The following SLC30A8 variants were observed in gnomAD, a reference collection of about 807,000 sequenced individuals.
The protein encoded by SLC30A8 is proton-coupled zinc antiporter SLC30A8.
In SLC30A8, 27 loss-of-function variants were observed where a neutral mutation model predicts 36.9. The observed-to-expected ratio is 0.73, with a 90% CI of 0.54 to 1.01. The LOEUF is 1.01. Among genes scored for constraint, SLC30A8 ranks in the 50% least tolerant of loss-of-function variants. SLC30A8 has a pLI of 0.00. For synonymous variants in SLC30A8, 164 were observed against 172.4 expected (o/e 0.95, Z 0.38); for missense variants, 439 against 452.0 (o/e 0.97, Z 0.26).
At chr8:117,122,494 G>T (rs1022531391) in intron 2 of SLC30A8, among the ~76,000 whole-genome samples, 2 of 151,950 alleles carry the variant, frequency 1.3e-5, no homozygotes, top group Non-Finnish European at 2.9e-5. Flanking sequence ...CACCTACAAG[G>T]CTTGTAACTC....
intron 1 of SLC30A8, among the ~76,000 whole-genome samples, chr8:117,010,069 CAG>C (rs1285504294): frequency 1.3e-5 from 2 of 152,120 alleles, no homozygotes; most frequent in East Asian, 3.8e-4. Flanking sequence ...TGAGTTTTAT[CAG>C]AGGGTAAGCC....
At chr8:117,016,017 G>T (rs1296241567) in intron 1 of SLC30A8, among the ~76,000 whole-genome samples, 2 of 152,160 alleles carry the variant, frequency 1.3e-5, no homozygotes, top group Non-Finnish European at 2.9e-5. Context: ...GCTTGAATAA[G>T]AAGGAACAAG....
At chr8:117,050,383 G>GTTCTTCT (rs1421503614) in intron 2 of SLC30A8, among the ~76,000 whole-genome samples, 1 of 151,452 alleles carries the variant, frequency 6.6e-6, no homozygotes, top group African/African-American at 2.4e-5. Flanking sequence ...TGATTTCGGG[G>GTTCTTCT]TTCTTCTTCA....
At chr8:117,051,239 C>A (rs1489677244) in intron 2 of SLC30A8, among the ~76,000 whole-genome samples, 1 of 152,192 alleles carries the variant, frequency 6.6e-6, no homozygotes, top group Non-Finnish European at 1.5e-5. Flanking sequence ...CAATCATCCT[C>A]TAGGGAGTGT....
intron 2 of SLC30A8, among the ~76,000 whole-genome samples, chr8:117,051,585 G>A (rs559550250): frequency 2.0e-5 from 3 of 152,174 alleles, no homozygotes; most frequent in Non-Finnish European, 2.9e-5. Flanking sequence ...AGGCTGAGGC[G>A]GGCGGATCAC....
At chr8:117,054,174 C>A (rs1817795840) in intron 2 of SLC30A8, among the ~76,000 whole-genome samples, 1 of 145,248 alleles carries the variant, frequency 6.9e-6, no homozygotes, top group African/African-American at 2.6e-5. Context: ...ATATGGCTCA[C>A]TGCAGCCTGG....
intron 1 of SLC30A8, among the ~76,000 whole-genome samples, chr8:116,989,995 C>T (rs1248737760): frequency 6.6e-6 from 1 of 152,200 alleles, no homozygotes; most frequent in African/African-American, 2.4e-5. Flanking sequence ...ATGGGAATAG[C>T]TTGCCTGTGC....
At chr8:117,081,638 T>A (rs1466519145) in intron 2 of SLC30A8, among the ~76,000 whole-genome samples, 2 of 152,160 alleles carry the variant, frequency 1.3e-5, no homozygotes, top group African/African-American at 2.4e-5. Context: ...GAATGAGCAT[T>A]CTCTTGTCCT....
chr8:117,042,501 C>T (rs1343502374), intron 2 of SLC30A8, among the ~76,000 whole-genome samples: 1 of 151,962 alleles, frequency 6.6e-6, no homozygotes, highest in South Asian at 2.1e-4. Context: ...TGAGGCGGGG[C>T]GGGGTTTGGG....
chr8:117,030,619 A>G (rs1458453679), intron 1 of SLC30A8, among the ~76,000 whole-genome samples: 2 of 152,220 alleles, frequency 1.3e-5, no homozygotes, highest in South Asian at 2.1e-4. Flanking sequence ...TATTGAAGCC[A>G]TGTCAGAATT....
rs1377966068 is a variant in SLC30A8, at chr8:117,172,560, T to C, written c.989T>C (p.Val330Ala). ...ATAASRDSQV[V>A]RREIAKALSK... Reference sequence around the variant, plus strand: ...GCAGCCAGCCGGGACAGCCAAGTGGTTCGGAGAGAAATTGCTAAAGCCCTT... The same window carrying C: ...GCAGCCAGCCGGGACAGCCAAGTGGCTCGGAGAGAAATTGCTAAAGCCCTT... Residue 330 changes from valine to alanine, a missense_variant, in exon 8 of 8, where the codon GTT (valine) becomes GCT (alanine). Val to Ala is a moderately conservative substitution (Grantham distance 64). Coordinates refer to ENST00000456015, the MANE Select transcript of SLC30A8 (RefSeq NM_173851.3). 2 of 1,613,670 alleles carry C rather than the reference T, an allele frequency of 1.2e-6. No homozygotes were observed. The highest frequency in any genetic ancestry group is 3.3e-5 in the Admixed American group (2 of 59,984).
chr8:117,166,332 G>A (rs1823055093), intron 6 of SLC30A8, among the ~76,000 whole-genome samples: 1 of 152,070 alleles, frequency 6.6e-6, no homozygotes, highest in South Asian at 2.1e-4. Context: ...TTTACAAGGT[G>A]ATTTATCATT....
intron 2 of SLC30A8, among the ~76,000 whole-genome samples, chr8:117,099,498 G>A (rs1382398688): frequency 6.6e-6 from 1 of 152,184 alleles, no homozygotes; most frequent in Non-Finnish European, 1.5e-5. Context: ...TAGCTTATAT[G>A]ATGGGAGATC....
intron 2 of SLC30A8, among the ~76,000 whole-genome samples, chr8:117,085,782 A>G (rs553807674): frequency 7.4e-4 from 113 of 152,334 alleles, no homozygotes; most frequent in African/African-American, 2.4e-3. Flanking sequence ...AAGTAATACA[A>G]GCTAATAAAT....
At chr8:117,052,504 T>C (rs143971948) in intron 2 of SLC30A8, among the ~76,000 whole-genome samples, 213 of 152,400 alleles carry the variant, frequency 1.4e-3, no homozygotes, top group Non-Finnish European at 2.2e-3. Flanking sequence ...CACAGTATTC[T>C]GAATTTTCTA....
In SLC30A8 at chr8:117,147,141, G is replaced by T; in HGVS notation, c.259G>T (p.Ala87Ser). ...AGCAATATGCTTCATTTTCATGATT[G>T]CAGAGGTCGTGGGTGAGTCTTTCTG... ...ASAICFIFMI[A>S]EVVGGHIAGS... The change falls in exon 2 of 8, where the codon GCA becomes TCA. Residue 87 changes from alanine to serine, a missense_variant. Transcript: ENST00000456015. 5 of 1,613,806 alleles carry T rather than the reference G, an allele frequency of 3.1e-6. No individual in the cohort carries two copies. The highest frequency in any genetic ancestry group is 4.2e-6 in the Non-Finnish European group (5 of 1,179,964).
chr8:116,993,585 T>C (rs539893401), intron 1 of SLC30A8, among the ~76,000 whole-genome samples: 1 of 152,110 alleles, frequency 6.6e-6, no homozygotes, highest in South Asian at 2.1e-4. Flanking sequence ...CCAAAATTAT[T>C]ATGTTAAAAA....
At chr8:117,036,659 A>G (rs972080678) in intron 1 of SLC30A8, among the ~76,000 whole-genome samples, 4 of 152,110 alleles carry the variant, frequency 2.6e-5, no homozygotes, top group Non-Finnish European at 4.4e-5. Context: ...TTATAAAACC[A>G]TCAGATCTCA....
intron 1 of SLC30A8, among the ~76,000 whole-genome samples, chr8:116,991,678 T>G (rs1815650254): frequency 6.6e-6 from 1 of 152,212 alleles, no homozygotes; most frequent in Admixed American, 6.5e-5. Flanking sequence ...AATCTTAATC[T>G]TTAAACCAAA....
Sources: gnomAD v4.1 joint callset for allele counts (sites outside exome capture counted in the v4.1 genomes callset) on GRCh38, gnomAD v4.1.1 for gene constraint, MANE v1.5 for transcripts, NCBI Gene and HGNC (gene_info 2026-07-23, HGNC 2026-07-21) for gene names.